PPIG: variants seen among roughly 807,000 people sequenced by gnomAD.
The protein encoded by PPIG is peptidyl-prolyl cis-trans isomerase G.
PPIG carries 26 observed loss-of-function variants against 87.9 expected under a neutral mutation model. That is an observed-to-expected ratio of 0.30 (90% CI 0.22 to 0.41). PPIG has a LOEUF of 0.41. PPIG is among the 10% of genes least tolerant of loss of function. The pLI is 1.00. For missense variants in PPIG, 722 were observed against 879.4 expected (o/e 0.82, Z 2.26); for synonymous variants, 308 against 276.5 (o/e 1.11, Z -1.13).
chr2:169,631,156 AT>A (rs1456918062), intron 10 of PPIG, among the ~76,000 whole-genome samples, 169 bp downstream of exon 10: 3 of 152,078 alleles, frequency 2.0e-5, no homozygotes, highest in African/African-American at 7.2e-5. Flanking sequence ...GGGTACGTTC[AT>A]TTTCTTTTGA....
rs903191490 is a variant in PPIG, at chr2:169,621,403, A to G, written c.547+6679A>G. ...TATTGCAATAAATTATTGCAGATGTATGCTTCAGCTCATGGGATTTCTTGA... is the reference window on the plus strand; with the variant it reads ...TATTGCAATAAATTATTGCAGATGTGTGCTTCAGCTCATGGGATTTCTTGA... On this transcript the variant is annotated intron_variant, in intron 9 of 13. Transcript: ENST00000260970. 2.6e-5 allele frequency among the ~76,000 whole-genome samples: 4 copies of G among 152,146 alleles called. No homozygotes were observed. In the South Asian group the frequency reaches 6.2e-4, roughly 24 times the overall value.
rs191871071 is a variant in PPIG at position 169,598,477 on chromosome 2, G to T, written c.-69-5165G>T. On this transcript the variant is annotated intron_variant, in intron 1 of 13. Coordinates refer to ENST00000260970, the MANE Select transcript of PPIG (RefSeq NM_004792.3). ...GGCTAATTTTTTTGTATTTTTAGGG[G>T]AGACGGGGTTTCACCGTGTTAGCCA... 9.3e-4 allele frequency among the ~76,000 whole-genome samples: 141 copies of T among 152,140 alleles called. 1 individual carries two copies. The highest frequency in any genetic ancestry group is 3.3e-3 in the African/African-American group (137 of 41,506).
chr2:169,585,832 G>C (rs1684688278), intron 1 of PPIG, among the ~76,000 whole-genome samples: 1 of 152,020 alleles, frequency 6.6e-6, no homozygotes, highest in Admixed American at 6.6e-5. Flanking sequence ...GTTAAAACCA[G>C]GAAAAAAGAG....
chr2:169,607,289 G>A, intron 6 of PPIG, 141 bp downstream of exon 6: 1 of 510,144 alleles, frequency 2.0e-6, no homozygotes. Context: ...TTAATTTTCT[G>A]GTAAAAAAAA....
intron 9 of PPIG, among the ~76,000 whole-genome samples, chr2:169,627,265 A>G (rs924425161): frequency 2.7e-5 from 4 of 148,344 alleles, no homozygotes; most frequent in Admixed American, 2.0e-4. Context: ...CACTTGGCTA[A>G]TTTTTGTATT....
intron 1 of PPIG, among the ~76,000 whole-genome samples, chr2:169,590,802 C>A (rs1204549213): frequency 6.6e-6 from 1 of 151,994 alleles, no homozygotes; most frequent in African/African-American, 2.4e-5. Flanking sequence ...GCATCTTAAT[C>A]GTTAAAAATA....
rs140706621 is a variant in PPIG, at chr2:169,637,033, G to A, written c.1775G>A (p.Arg592Lys). The A allele has an allele frequency of 3.1e-6, 5 of 1,613,724 alleles. No individual in the cohort carries two copies. Among genetic ancestry groups the A allele is most frequent in the Non-Finnish European group, 3.4e-6 (4 of 1,179,942 alleles). Residue 592 changes from arginine (R) to lysine (K), a missense_variant, in exon 14 of 14, where the codon AGA becomes AAA. Coordinates refer to ENST00000260970, the MANE Select transcript of PPIG (RefSeq NM_004792.3). ...RDRSRSKEYH[R>K]YREQEYRRRG... is the part of the protein sequence containing the mutation. ...CGCAGCAGAAGCAAGGAGTACCATA[G>A]ATACAGAGAACAGGAATACAGGAGA...
At position 169,607,051 on chromosome 2, in the gene PPIG, A is replaced by G. The variant is rs1242553053; in HGVS notation, c.245-53A>G. ...TTTACAAGAAGTATTTTGTTTAGGT[A>G]TCACCTTTGAGGAGCTTACTGAGAG... On this transcript the variant is annotated intron_variant, in intron 5 of 13. Transcript: ENST00000260970. 1.6e-5 allele frequency: 18 copies of G among 1,123,830 alleles called. No individual in the cohort carries two copies. In the Admixed American group the frequency reaches 1.9e-4, roughly 12 times the overall value. 69.6% of individuals were successfully genotyped at this position (1,123,830 alleles called of 1,614,324 possible). A position where few individuals can be genotyped will look rare whatever the true frequency, so the allele number is the denominator to read the frequency against.
chr2:169,604,313 T>G (rs41268691), intron 4 of PPIG, 52 bp downstream of exon 4: 11,511 of 748,570 alleles, frequency 0.015, 240 homozygotes, highest in Non-Finnish European at 0.019. Flanking sequence ...GACTATGGCT[T>G]GCTTGCTTGC....
At chr2:169,622,130 A>G (rs977298823) in intron 9 of PPIG, among the ~76,000 whole-genome samples, 2 of 152,074 alleles carry the variant, frequency 1.3e-5, no homozygotes, top group Non-Finnish European at 1.5e-5. Context: ...TGAGGTAATA[A>G]AAGAGTTTTT....
chr2:169,605,072 G>T (rs1685286958), intron 4 of PPIG, among the ~76,000 whole-genome samples: 1 of 152,132 alleles, frequency 6.6e-6, no homozygotes, highest in Non-Finnish European at 1.5e-5. Flanking sequence ...GGTGGCTCAC[G>T]CCTGTAACCC....
intron 9 of PPIG, among the ~76,000 whole-genome samples, 200 bp downstream of exon 9, chr2:169,614,924 T>C (rs964321230): frequency 1.3e-5 from 2 of 152,240 alleles, no homozygotes; most frequent in African/African-American, 4.8e-5. Context: ...TATGATGTTT[T>C]GAAGTATGTA....
At chr2:169,633,816 A>G (rs1272579216) in intron 12 of PPIG, among the ~76,000 whole-genome samples, 1 of 140,620 alleles carries the variant, frequency 7.1e-6, no homozygotes, top group Non-Finnish European at 1.5e-5. Flanking sequence ...TGCTCCTTGT[A>G]ATATTCTTTC....
At chr2:169,620,164 A>T (rs72623202) in intron 9 of PPIG, among the ~76,000 whole-genome samples, 1 of 151,976 alleles carries the variant, frequency 6.6e-6, no homozygotes, top group Non-Finnish European at 1.5e-5. Context: ...GCCCAAACCA[A>T]TGTCATGGAG....
At chr2:169,590,224 C>A (rs1684824848) in intron 1 of PPIG, among the ~76,000 whole-genome samples, 1 of 152,046 alleles carries the variant, frequency 6.6e-6, no homozygotes, top group Non-Finnish European at 1.5e-5. Context: ...TCTGTTCATG[C>A]CTCAATTAAC....
Position 169,604,013 on chromosome 2 carries a change from A to G in PPIG, c.-16-13A>G. 6.2e-7 allele frequency: 1 copy of G among 1,604,498 alleles called. No homozygotes were observed. Among genetic ancestry groups the G allele is most frequent in the Non-Finnish European group, 8.5e-7 (1 of 1,172,680 alleles). On this transcript the variant is annotated splice_polypyrimidine_tract_variant and intron_variant, in intron 2 of 13. Coordinates refer to ENST00000260970, the MANE Select transcript of PPIG (RefSeq NM_004792.3). ...TTTTAGTCTGCTTGTCTGAAACTGT[A>G]TTTTACTCACAGATTAAGTATTGGA...
chr2:169,610,788 C>A (rs567846375), intron 7 of PPIG, among the ~76,000 whole-genome samples: 41 of 152,188 alleles, frequency 2.7e-4, no homozygotes, highest in Non-Finnish European at 5.4e-4. Context: ...TAAAATACTC[C>A]ATAACAGTTT....
intron 5 of PPIG, among the ~76,000 whole-genome samples, chr2:169,606,763 T>C (rs1685341562): frequency 6.6e-6 from 1 of 152,132 alleles, no homozygotes; most frequent in Non-Finnish European, 1.5e-5. Flanking sequence ...ATAAAAATTT[T>C]TACTTTTTTA....
chr2:169,592,310 T>C (rs1266083810), intron 1 of PPIG, among the ~76,000 whole-genome samples: 1 of 136,468 alleles, frequency 7.3e-6, no homozygotes, highest in Non-Finnish European at 1.6e-5. Flanking sequence ...TTTCTTTTTT[T>C]TTTTTTTTTT....
Sources: gnomAD v4.1 joint callset for allele counts (sites outside exome capture counted in the v4.1 genomes callset) on GRCh38, gnomAD v4.1.1 for gene constraint, MANE v1.5 for transcripts, NCBI Gene and HGNC (gene_info 2026-07-23, HGNC 2026-07-21) for gene names.